Variants in EXOSC7 observed in about 807,000 individuals in gnomAD.
EXOSC7 encodes the protein exosome complex component RRP42.
Under a neutral mutation model 34.3 loss-of-function variants are expected in EXOSC7, and 25 were observed. The observed-to-expected ratio is 0.73, with a 90% CI of 0.53 to 1.02. The LOEUF is 1.02. EXOSC7 is among the 50% of genes least tolerant of loss of function. The pLI, the probability that EXOSC7 is intolerant of heterozygous loss-of-function variation, is 0.00. For missense variants in EXOSC7, 370 were observed against 368.5 expected (o/e 1.00, Z -0.03); for synonymous variants, 130 against 143.0 (o/e 0.91, Z 0.65).
At chr3:45,006,889 A>G (rs943138036) in intron 6 of EXOSC7, among the ~76,000 whole-genome samples, 3 of 144,782 alleles carry the variant, frequency 2.1e-5, no homozygotes, top group Non-Finnish European at 4.5e-5. Context: ...ATATCTGGCT[A>G]TTTTTTTGTA....
chr3:45,007,648 A>T (rs1576028829), intron 7 of EXOSC7, 73 bp downstream of exon 7: 1 of 1,436,998 alleles, frequency 7.0e-7, no homozygotes, highest in East Asian at 2.5e-5. Context: ...CCTTGGTCAT[A>T]CCGTGGGGAT....
chr3:44,993,412 C>T (rs1035486838), intron 3 of EXOSC7, among the ~76,000 whole-genome samples: 1 of 152,076 alleles, frequency 6.6e-6, no homozygotes, highest in African/African-American at 2.4e-5. Flanking sequence ...CCTGGCCTGA[C>T]CTGGACGTAA....
chr3:44,978,932 G>A (rs1706198069), intron 1 of EXOSC7, among the ~76,000 whole-genome samples: 1 of 152,188 alleles, frequency 6.6e-6, no homozygotes, highest in African/African-American at 2.4e-5. Context: ...AGCATTGAAT[G>A]GGTGATGTAA....
intron 1 of EXOSC7, among the ~76,000 whole-genome samples, chr3:44,978,448 A>C (rs2125959959): frequency 6.6e-6 from 1 of 152,236 alleles, no homozygotes; most frequent in Non-Finnish European, 1.5e-5. Flanking sequence ...TCAACACAGA[A>C]CTGAGCTAGA....
intron 3 of EXOSC7, among the ~76,000 whole-genome samples, chr3:44,991,776 G>C (rs993066535): frequency 2.6e-5 from 4 of 152,168 alleles, no homozygotes; most frequent in African/African-American, 9.7e-5. Flanking sequence ...GTGGCTGCCT[G>C]CTGGTCTCTT....
rs770116250 is a variant in EXOSC7, at chr3:45,005,329, C to T, written c.530C>T (p.Ser177Leu). Residue 177 changes from serine to leucine, a missense_variant, in exon 6 of 8, where the codon TCG becomes TTG. Ser to Leu is a moderately radical substitution (Grantham distance 145). Transcript: ENST00000265564. ...RVRVLEDEEG[S>L]KDIELSDDPY... Reference sequence around the variant, plus strand: ...CGAGTTTTGGAGGATGAAGAGGGGTCGAAGGACATTGAATTGTCAGATGAC... The same window carrying T: ...CGAGTTTTGGAGGATGAAGAGGGGTTGAAGGACATTGAATTGTCAGATGAC... 2.2e-5 allele frequency: 36 copies of T among 1,613,968 alleles called. 1 individual carries two copies. In the Middle Eastern group the frequency reaches 6.6e-4, roughly 29 times the overall value.
Position 44,989,596 on chromosome 3 carries a change from C to T in EXOSC7, c.206C>T (p.Pro69Leu), listed in dbSNP as rs747870577. The change falls in exon 3 of 8, where the codon CCG (proline) becomes CTG (leucine). Residue 69 changes from proline to leucine, a missense_variant. Pro to Leu is a moderately conservative substitution (Grantham distance 98). Transcript: ENST00000265564. ...GGAGTGAAAGCAGAAATGGGGACGCCGAAGCTGGAGAAACCAAATGAAGGC... is the reference window on the plus strand; with the variant it reads ...GGAGTGAAAGCAGAAATGGGGACGCTGAAGCTGGAGAAACCAAATGAAGGC... ...LVGVKAEMGTPKLEKPNEGYL... is the reference protein window; with the variant it reads ...LVGVKAEMGTLKLEKPNEGYL... 17 of 1,613,736 alleles carry T rather than the reference C, an allele frequency of 1.1e-5. No homozygotes were observed. The highest frequency in any genetic ancestry group is 6.7e-5 in the East Asian group (3 of 44,892).
chr3:45,004,773 G>T (rs888214890), intron 5 of EXOSC7: 1 of 151,768 alleles, frequency 6.6e-6, no homozygotes, highest in East Asian at 1.9e-4. Flanking sequence ...TTGTTTAATA[G>T]GAATTCTTTA....
chr3:44,998,031 G>GTTTTTTTTT (rs200353427), intron 4 of EXOSC7, among the ~76,000 whole-genome samples: 2 of 142,776 alleles, frequency 1.4e-5, no homozygotes, highest in African/African-American at 2.6e-5. Flanking sequence ...ATTTTTTTTT[G>GTTTTTTTTT]TTTTTTTGTT....
At chr3:44,980,591 A>G (rs1487880826) in intron 1 of EXOSC7, among the ~76,000 whole-genome samples, 2 of 152,182 alleles carry the variant, frequency 1.3e-5, no homozygotes, top group Non-Finnish European at 2.9e-5. Flanking sequence ...TGCTGCAGTG[A>G]AAGTCATTTC....
chr3:44,979,944 T>TC (rs1553697918), intron 1 of EXOSC7, among the ~76,000 whole-genome samples: 1 of 151,530 alleles, frequency 6.6e-6, no homozygotes, highest in African/African-American at 2.4e-5. Flanking sequence ...TAGAGCAGTA[T>TC]GGGGGGGGTT....
intron 4 of EXOSC7, among the ~76,000 whole-genome samples, chr3:45,001,296 A>G (rs974355412): frequency 3.9e-5 from 6 of 152,066 alleles, no homozygotes; most frequent in African/African-American, 7.2e-5. Context: ...TACAAAAATT[A>G]GCTGGGGGTG....
chr3:44,989,373 G>A lies in EXOSC7; in HGVS notation c.159+132G>A, dbSNP rs183480884. ...AATCGAAGATCCGAGCCAAACTCAGGGAGGGGGGGTCTATCCAGATCTGAA... is the reference window on the plus strand; with the variant it reads ...AATCGAAGATCCGAGCCAAACTCAGAGAGGGGGGGTCTATCCAGATCTGAA... On this transcript the variant is annotated intron_variant, in intron 2 of 7. Transcript: ENST00000265564. The A allele has an allele frequency of 5.9e-6, 5 of 853,266 alleles. No individual in the cohort carries two copies. In the Admixed American group the frequency reaches 6.8e-5, roughly 12 times the overall value. The allele number at this position is 853,266 out of a possible 1,614,324, so 52.9% of individuals were successfully genotyped here. A position where few individuals can be genotyped will look rare whatever the true frequency, so the allele number is the denominator to read the frequency against.
At chr3:44,991,637 T>A (rs2125966082) in intron 3 of EXOSC7, among the ~76,000 whole-genome samples, 1 of 152,318 alleles carries the variant, frequency 6.6e-6, no homozygotes, top group Non-Finnish European at 1.5e-5. Context: ...GACTCCAAGT[T>A]AGCCTGCTGC....
intron 1 of EXOSC7, among the ~76,000 whole-genome samples, chr3:44,982,503 T>G (rs1264604824): frequency 2.0e-5 from 3 of 152,210 alleles, no homozygotes; most frequent in African/African-American, 4.8e-5. Flanking sequence ...CTTGGAACCC[T>G]GTGAAAGCCA....
At chr3:45,009,581 C>T (rs1036826493) in intron 7 of EXOSC7, among the ~76,000 whole-genome samples, 2 of 151,374 alleles carry the variant, frequency 1.3e-5, no homozygotes, top group Non-Finnish European at 2.9e-5. Context: ...TGGAGTCTCA[C>T]ACTATCGCCC....
At chr3:45,004,377 T>A (rs954232310) in intron 5 of EXOSC7, 2 of 152,018 alleles carry the variant, frequency 1.3e-5, no homozygotes, top group African/African-American at 2.4e-5. Context: ...TACCTCAGCC[T>A]CCCAAGTAGC....
chr3:45,001,719 G>T (rs987165152), intron 5 of EXOSC7, 111 bp downstream of exon 5: 4 of 776,616 alleles, frequency 5.2e-6, no homozygotes, highest in Non-Finnish European at 8.9e-6. Flanking sequence ...ATAACAGGGG[G>T]TTTTAACATT....
At chr3:45,001,812 TA>T in intron 5 of EXOSC7, 1 of 466,146 alleles carries the variant, frequency 2.1e-6, no homozygotes, top group Non-Finnish European at 3.8e-6. Flanking sequence ...ATTCTGTATT[TA>T]TTTTTTGTAT....
Sources: allele counts gnomAD v4.1 joint callset (sites outside exome capture counted in the v4.1 genomes callset), GRCh38; gene constraint gnomAD v4.1.1; transcripts MANE v1.5; gene names NCBI Gene and HGNC (gene_info 2026-07-23, HGNC 2026-07-21).